The following SLC25A31 variants were observed in gnomAD, a reference collection of about 807,000 sequenced individuals.
SLC25A31 encodes the protein solute carrier family 25 member 31.
A neutral mutation model predicts 36.2 loss-of-function variants in SLC25A31; 40 were observed. The ratio of observed to expected loss-of-function variants is 1.10; its 90% CI spans 0.86 to 1.44. The LOEUF is 1.44. SLC25A31 is among the 40% of genes most tolerant of loss of function. The probability of loss-of-function intolerance (pLI) is 0.00; values close to 1 mark genes in which losing one functional copy is unlikely to be tolerated. For synonymous variants in SLC25A31, 143 were observed against 149.7 expected (o/e 0.96, Z 0.32); for missense variants, 350 against 397.1 (o/e 0.88, Z 1.01).
intron 3 of SLC25A31, among the ~76,000 whole-genome samples, chr4:127,766,374 C>G (rs1266823481): frequency 3.3e-5 from 5 of 151,832 alleles, no homozygotes; most frequent in African/African-American, 1.2e-4. Flanking sequence ...CACTATCTTG[C>G]CCAGGCTGGT....
chr4:127,740,780 G>A (rs1052610141), intron 1 of SLC25A31, among the ~76,000 whole-genome samples: 1 of 152,158 alleles, frequency 6.6e-6, no homozygotes, highest in African/African-American at 2.4e-5. Flanking sequence ...ATGCAGGTGA[G>A]CAGGTTCTTT....
At chr4:127,764,488 G>A in intron 3 of SLC25A31, 128 bp downstream of exon 3, 2 of 719,086 alleles carry the variant, frequency 2.8e-6, no homozygotes, top group Non-Finnish European at 4.5e-6. Context: ...CAACCAAATG[G>A]TGGAGTCATA....
intron 4 of SLC25A31, among the ~76,000 whole-genome samples, chr4:127,767,719 T>C (rs1373800152): frequency 6.9e-6 from 1 of 145,298 alleles, no homozygotes; most frequent in Non-Finnish European, 1.5e-5. Context: ...AATTTACCTT[T>C]TCATTTCAGA....
chr4:127,737,847 C>A (rs1731661585), intron 1 of SLC25A31, among the ~76,000 whole-genome samples: 1 of 152,058 alleles, frequency 6.6e-6, no homozygotes, highest in African/African-American at 2.4e-5. Context: ...GCATGAGCCA[C>A]CATGCCTGGC....
chr4:127,739,423 A>G (rs1051821400), intron 1 of SLC25A31, among the ~76,000 whole-genome samples: 4 of 152,116 alleles, frequency 2.6e-5, no homozygotes, highest in Non-Finnish European at 4.4e-5. Context: ...TAGGCCCCCA[A>G]TCTCTCCTGG....
At chr4:127,745,700 G>A (rs997965661) in intron 2 of SLC25A31, among the ~76,000 whole-genome samples, 2 of 152,160 alleles carry the variant, frequency 1.3e-5, no homozygotes, top group Admixed American at 6.5e-5. Flanking sequence ...TTTGGCCAGG[G>A]TGGTGGGGCA....
intron 2 of SLC25A31, among the ~76,000 whole-genome samples, chr4:127,761,198 C>G (rs1732122879): frequency 6.6e-6 from 1 of 151,984 alleles, no homozygotes; most frequent in South Asian, 2.1e-4. Flanking sequence ...TGTGCCTGCC[C>G]CTGTCGTTTT....
chr4:127,731,506 C>A (rs554794580), intron 1 of SLC25A31, among the ~76,000 whole-genome samples: 1 of 152,112 alleles, frequency 6.6e-6, no homozygotes, highest in African/African-American at 2.4e-5. Flanking sequence ...CTCAGGAGTT[C>A]TAGACAAGCC....
intron 5 of SLC25A31, among the ~76,000 whole-genome samples, chr4:127,772,289 G>A (rs1403418801): frequency 6.6e-6 from 1 of 151,994 alleles, no homozygotes; most frequent in Non-Finnish European, 1.5e-5. Flanking sequence ...CTACTCTGTT[G>A]GTAAATTATA....
intron 2 of SLC25A31, among the ~76,000 whole-genome samples, chr4:127,763,044 G>A (rs1197844096): frequency 6.6e-6 from 1 of 151,514 alleles, no homozygotes; most frequent in Non-Finnish European, 1.5e-5. Flanking sequence ...GCAGTGAGTC[G>A]AGATCGCGCC....
At chr4:127,742,182 A>G (rs899418200) in intron 1 of SLC25A31, among the ~76,000 whole-genome samples, 1 of 152,158 alleles carries the variant, frequency 6.6e-6, no homozygotes, top group African/African-American at 2.4e-5. Flanking sequence ...AACCAGCTCA[A>G]TTGGCCCATG....
At chr4:127,760,811 G>A (rs1012326631) in intron 2 of SLC25A31, among the ~76,000 whole-genome samples, 12 of 152,026 alleles carry the variant, frequency 7.9e-5, no homozygotes, top group African/African-American at 2.2e-4. Context: ...AGGCCGAGGC[G>A]GGCAGATCAC....
chr4:127,764,099 G>T, intron 2 of SLC25A31, 144 bp from the exon 3 acceptor site: 1 of 640,614 alleles, frequency 1.6e-6, no homozygotes. Context: ...TGGATAGCAT[G>T]GTATGCATTA....
intron 2 of SLC25A31, among the ~76,000 whole-genome samples, chr4:127,756,670 A>G (rs529085266): frequency 6.6e-6 from 1 of 152,350 alleles, no homozygotes; most frequent in East Asian, 1.9e-4. Flanking sequence ...GCAATACCAC[A>G]TTGTACCCCA....
At chr4:127,735,072 A>T (rs1284635039) in intron 1 of SLC25A31, among the ~76,000 whole-genome samples, 2 of 152,236 alleles carry the variant, frequency 1.3e-5, no homozygotes, top group African/African-American at 2.4e-5. Context: ...TTCTGCCGTG[A>T]AAACCAAATC....
At chr4:127,762,801 G>A (rs1441499735) in intron 2 of SLC25A31, among the ~76,000 whole-genome samples, 1 of 151,930 alleles carries the variant, frequency 6.6e-6, no homozygotes, top group Non-Finnish European at 1.5e-5. Context: ...GCGGGCGCCT[G>A]TAGTCCCAGC....
At chr4:127,767,289 C>T (rs3214038) in intron 4 of SLC25A31, 69 bp downstream of exon 4, 263,895 of 1,240,706 alleles carry the variant, frequency 0.21, 29,562 homozygotes, top group East Asian at 0.37. Context: ...GTAATGTTTT[C>T]AGCAGATATG....
chr4:127,772,906 C>T (rs981402590), intron 5 of SLC25A31, among the ~76,000 whole-genome samples: 4 of 151,614 alleles, frequency 2.6e-5, no homozygotes, highest in African/African-American at 7.3e-5. Context: ...TTCAGCCTCC[C>T]GGGTAGCTGG....
chr4:127,761,112 T>G (rs1490057065), intron 2 of SLC25A31, among the ~76,000 whole-genome samples: 1 of 152,176 alleles, frequency 6.6e-6, no homozygotes, highest in African/African-American at 2.4e-5. Flanking sequence ...CATGGGCAGA[T>G]TCTTACTGCC....
Sources: allele counts gnomAD v4.1 joint callset (sites outside exome capture counted in the v4.1 genomes callset), GRCh38; gene constraint gnomAD v4.1.1; transcripts MANE v1.5; gene names NCBI Gene and HGNC (gene_info 2026-07-23, HGNC 2026-07-21).